The following MACROD1 variants were observed in gnomAD, a reference collection of about 807,000 sequenced individuals.
MACROD1 encodes the protein ADP-ribose glycohydrolase MACROD1.
A neutral mutation model predicts 41.4 loss-of-function variants in MACROD1; 31 were observed. The ratio of observed to expected loss-of-function variants is 0.75; its 90% CI spans 0.56 to 1.01. The LOEUF (loss-of-function observed/expected upper bound fraction) is 1.01. Among genes scored for constraint, MACROD1 ranks in the 50% least tolerant of loss-of-function variants. The pLI, the probability that MACROD1 is intolerant of heterozygous loss-of-function variation, is 0.00. For missense variants in MACROD1, 473 were observed against 460.0 expected (o/e 1.03, Z -0.26); for synonymous variants, 252 against 203.4 (o/e 1.24, Z -2.03).
intron 1 of MACROD1, among the ~76,000 whole-genome samples, chr11:64,157,898 C>G (rs571009740): frequency 6.6e-6 from 1 of 152,092 alleles, no homozygotes; most frequent in Non-Finnish European, 1.5e-5. Context: ...CTCACCGGCC[C>G]GCAAGAACAG....
intron 3 of MACROD1, chr11:64,118,428 T>C: frequency 1.8e-6 from 2 of 1,128,644 alleles, no homozygotes; most frequent in Non-Finnish European, 2.4e-6. Context: ...GAAAGCAAAG[T>C]TTGGGGAGGG....
At chr11:64,035,198 C>A (rs1158221072) in intron 3 of MACROD1, among the ~76,000 whole-genome samples, 2 of 151,860 alleles carry the variant, frequency 1.3e-5, no homozygotes, top group East Asian at 3.9e-4. Context: ...TGGGAGGGGG[C>A]GCTGGCATGG....
At chr11:64,029,132 C>T (rs1283090673) in intron 3 of MACROD1, among the ~76,000 whole-genome samples, 1 of 152,190 alleles carries the variant, frequency 6.6e-6, no homozygotes, top group Non-Finnish European at 1.5e-5. Flanking sequence ...AGGGGAAGGG[C>T]GAGGAGCTGC....
At chr11:64,071,935 C>T (rs926131693) in intron 3 of MACROD1, among the ~76,000 whole-genome samples, 2 of 152,214 alleles carry the variant, frequency 1.3e-5, no homozygotes, top group African/African-American at 4.8e-5. Context: ...ACTTCTAGGT[C>T]CCGGCTCTGC....
chr11:63,999,467 C>A, intron 7 of MACROD1, 63 bp from the exon 8 acceptor site: 6 of 1,565,232 alleles, frequency 3.8e-6, no homozygotes, highest in Non-Finnish European at 5.2e-6. Context: ...CTGTCCGCCC[C>A]GGCCCCTCCC....
In MACROD1 at chr11:64,079,252, G is replaced by A. The variant is rs187449759; in HGVS notation, c.518-63971C>T. Among the ~76,000 whole-genome samples, 333 of 152,204 alleles carry A rather than the reference G, an allele frequency of 2.2e-3. 5 individuals are homozygous for A. In the Middle Eastern group the frequency reaches 0.037, roughly 17 times the overall value. ...TTCCTGCTCTGGCATGTGGCTTGAG[G>A]GGTCACAGGGGCTCCCACCTGTGCT... is the stretch of plus-strand genomic sequence containing the variant. On this transcript the variant is annotated intron_variant, in intron 3 of 10. Transcript: ENST00000255681.
At chr11:64,076,777 GGT>G (rs1450329209) in intron 3 of MACROD1, among the ~76,000 whole-genome samples, 13 of 152,190 alleles carry the variant, frequency 8.5e-5, no homozygotes, top group Non-Finnish European at 1.5e-4. Flanking sequence ...AGCTAGCTAA[GGT>G]GGGACCCAGG....
intron 3 of MACROD1, among the ~76,000 whole-genome samples, chr11:64,065,416 C>T (rs955869877): frequency 6.6e-6 from 1 of 152,132 alleles, no homozygotes; most frequent in Non-Finnish European, 1.5e-5. Flanking sequence ...CCACTACCTC[C>T]GCTCCAAAAC....
intron 3 of MACROD1, among the ~76,000 whole-genome samples, chr11:64,131,178 G>A (rs1945260113): frequency 6.6e-6 from 1 of 152,230 alleles, no homozygotes; most frequent in Admixed American, 6.5e-5. Flanking sequence ...GCACTGCAGA[G>A]GGAAATGGGG....
intron 3 of MACROD1, among the ~76,000 whole-genome samples, chr11:64,115,067 C>T (rs925910325): frequency 6.6e-6 from 1 of 152,176 alleles, no homozygotes; most frequent in Non-Finnish European, 1.5e-5. Flanking sequence ...CAGGGCTGCC[C>T]TCCCAGGCTG....
chr11:64,058,398 G>T (rs548724652), intron 3 of MACROD1, among the ~76,000 whole-genome samples: 1 of 151,930 alleles, frequency 6.6e-6, no homozygotes, highest in South Asian at 2.1e-4. Context: ...CAGGTGAGGA[G>T]GGCTTGGGGG....
chr11:64,033,844 C>A (rs891685523), intron 3 of MACROD1, among the ~76,000 whole-genome samples: 3 of 151,784 alleles, frequency 2.0e-5, no homozygotes, highest in East Asian at 1.9e-4. Flanking sequence ...GCCGCCCCCC[C>A]AAAAAAATTA....
intron 4 of MACROD1, among the ~76,000 whole-genome samples, chr11:64,007,420 A>G (rs1328799872): frequency 6.6e-6 from 1 of 152,168 alleles, no homozygotes; most frequent in Non-Finnish European, 1.5e-5. Flanking sequence ...GTAATGAGAA[A>G]GAACTGGCTT....
intron 3 of MACROD1, among the ~76,000 whole-genome samples, chr11:64,022,304 T>G (rs1416484230): frequency 6.6e-6 from 1 of 152,018 alleles, no homozygotes; most frequent in Non-Finnish European, 1.5e-5. Flanking sequence ...AGACTTCCCC[T>G]GGGGATAGCA....
rs1036957178 is a variant in MACROD1, at chr11:64,019,116, A to G, written c.518-3835T>C. On this transcript the variant is annotated intron_variant, in intron 3 of 10. Coordinates refer to ENST00000255681, the MANE Select transcript of MACROD1 (RefSeq NM_014067.4). The stretch of plus-strand genomic sequence containing the variant: ...GGGGCGGGGCCTCCCGGCAGCAAGC[A>G]CACCCTGGAGGCTGTGGAGTGCCCT... Among the ~76,000 whole-genome samples, 3 of 152,154 alleles carry G rather than the reference A, an allele frequency of 2.0e-5. No individual in the cohort carries two copies. In the South Asian group the frequency reaches 6.2e-4, roughly 32 times the overall value.
intron 3 of MACROD1, among the ~76,000 whole-genome samples, chr11:64,125,715 A>G (rs2134644450): frequency 6.6e-6 from 1 of 152,244 alleles, no homozygotes; most frequent in Middle Eastern, 3.4e-3. Flanking sequence ...GGCTGCCCCA[A>G]CCTGTGTCAG....
At chr11:64,092,118 C>G (rs1445131406) in intron 3 of MACROD1, among the ~76,000 whole-genome samples, 3 of 152,224 alleles carry the variant, frequency 2.0e-5, no homozygotes, top group African/African-American at 7.2e-5. Context: ...TTCCTGGCCT[C>G]CAAGCTTGGC....
At chr11:64,048,163 C>T (rs572066641) in intron 3 of MACROD1, among the ~76,000 whole-genome samples, 1 of 152,356 alleles carries the variant, frequency 6.6e-6, no homozygotes, top group Admixed American at 6.5e-5. Flanking sequence ...AGCTGCCTCT[C>T]TGGCCCACTG....
chr11:64,068,686 C>T (rs751072556), intron 3 of MACROD1, among the ~76,000 whole-genome samples: 3 of 152,244 alleles, frequency 2.0e-5, no homozygotes, highest in Non-Finnish European at 2.9e-5. Context: ...GGGTCCTGAT[C>T]TCACGTGTCT....
Sources: gnomAD v4.1 joint callset for allele counts (sites outside exome capture counted in the v4.1 genomes callset) on GRCh38, gnomAD v4.1.1 for gene constraint, MANE v1.5 for transcripts, NCBI Gene and HGNC (gene_info 2026-07-23, HGNC 2026-07-21) for gene names.